Variants in APH1B observed in about 807,000 individuals in gnomAD.
The protein encoded by APH1B is aph-1B gamma-secretase subunit.
Under a neutral mutation model 28.2 loss-of-function variants are expected in APH1B, and 27 were observed. The observed-to-expected ratio is 0.96, with a 90% CI of 0.70 to 1.32. The LOEUF (loss-of-function observed/expected upper bound fraction) is 1.32. APH1B is among the 40% of genes most tolerant of loss of function. The pLI is 0.00. For missense variants in APH1B, 305 were observed against 313.6 expected (o/e 0.97, Z 0.21); for synonymous variants, 141 against 124.6 (o/e 1.13, Z -0.88).
intron 4 of APH1B, 47 bp downstream of exon 4, chr15:63,287,593 T>G (rs762744987): frequency 1.9e-6 from 3 of 1,600,290 alleles, no homozygotes; most frequent in Non-Finnish European, 2.6e-6. Context: ...GTCTAAATGA[T>G]CATTCTTATT....
At chr15:63,301,674 C>T (rs1015548163) in intron 4 of APH1B, among the ~76,000 whole-genome samples, 17 of 151,922 alleles carry the variant, frequency 1.1e-4, no homozygotes, top group African/African-American at 4.1e-4. Context: ...TTCCGCCTCC[C>T]GGGTTCAAGT....
At chr15:63,295,280 G>A (rs1054372855) in intron 4 of APH1B, among the ~76,000 whole-genome samples, 1 of 152,184 alleles carries the variant, frequency 6.6e-6, no homozygotes, top group Admixed American at 6.5e-5. Context: ...ATAGAATCCC[G>A]AGAACCTGTA....
intron 4 of APH1B, chr15:63,291,809 A>G (rs2038509270): frequency 6.6e-6 from 1 of 152,224 alleles, no homozygotes; most frequent in Non-Finnish European, 1.5e-5. Context: ...AAGTATTTGC[A>G]TGATTGGACC....
chr15:63,302,561 C>T, intron 5 of APH1B, 89 bp downstream of exon 5: 1 of 1,457,856 alleles, frequency 6.9e-7, no homozygotes, highest in Middle Eastern at 2.5e-4. Flanking sequence ...GAAATACACG[C>T]TCATGAGAAC....
chr15:63,295,195 G>A (rs1441554209), intron 4 of APH1B, among the ~76,000 whole-genome samples: 1 of 152,218 alleles, frequency 6.6e-6, no homozygotes, highest in Non-Finnish European at 1.5e-5. Context: ...TGATTTTGCT[G>A]AAACTATTCT....
At position 63,302,400 on chromosome 15, in the gene APH1B, T is replaced by C; in HGVS notation, c.534T>C (p.Phe178=). 1.9e-6 allele frequency: 3 copies of C among 1,614,196 alleles called. No individual in the cohort carries two copies. Among genetic ancestry groups the C allele is most frequent in the Non-Finnish European group, 2.5e-6 (3 of 1,180,042 alleles). Residue 178 remains phenylalanine (F), a synonymous_variant, in exon 5 of 6, where the codon TTT becomes TTC. Transcript: ENST00000261879. The stretch of plus-strand genomic sequence containing the variant: ...ATGTATTCTGGGGCATTGTATTTTT[T>C]GATGGCTGTGAGAAGAAAAAGTGGG... The part of the protein sequence containing the change: ...LLHVFWGIVF[F]DGCEKKKWGI...
chr15:63,282,842 G>T (rs770512143), intron 2 of APH1B, among the ~76,000 whole-genome samples: 1 of 152,094 alleles, frequency 6.6e-6, no homozygotes, highest in Non-Finnish European at 1.5e-5. Flanking sequence ...TGAAAATGGC[G>T]TATTTAACTT....
intron 2 of APH1B, among the ~76,000 whole-genome samples, chr15:63,285,086 A>G (rs999326167): frequency 4.6e-5 from 7 of 152,224 alleles, no homozygotes; most frequent in South Asian, 2.1e-4. Context: ...TTTCTGGCTC[A>G]TGTCCTCACT....
intron 1 of APH1B, among the ~76,000 whole-genome samples, 198 bp from the exon 2 acceptor site, chr15:63,278,963 G>A (rs1186365606): frequency 6.6e-6 from 1 of 152,166 alleles, no homozygotes; most frequent in Non-Finnish European, 1.5e-5. Context: ...CTTCCTCTTG[G>A]ACACGTTTGT....
intron 4 of APH1B, among the ~76,000 whole-genome samples, chr15:63,294,177 C>T (rs2038538968): frequency 6.6e-6 from 1 of 152,010 alleles, no homozygotes; most frequent in African/African-American, 2.4e-5. Flanking sequence ...GATATGATTG[C>T]ATGAGACAAA....
At chr15:63,295,677 C>A (rs2038558492) in intron 4 of APH1B, among the ~76,000 whole-genome samples, 2 of 152,098 alleles carry the variant, frequency 1.3e-5, no homozygotes, top group South Asian at 2.1e-4. Flanking sequence ...CCAGAAGCAC[C>A]CCTGTCCCCC....
At chr15:63,297,072 G>T (rs2038575989) in intron 4 of APH1B, among the ~76,000 whole-genome samples, 1 of 152,236 alleles carries the variant, frequency 6.6e-6, no homozygotes, top group African/African-American at 2.4e-5. Flanking sequence ...GACAGTTACA[G>T]TCGTCACAAA....
chr15:63,281,961 C>T (rs1290099750), intron 2 of APH1B, among the ~76,000 whole-genome samples: 2 of 152,010 alleles, frequency 1.3e-5, no homozygotes, highest in Admixed American at 1.3e-4. Flanking sequence ...TCTGAAAGGA[C>T]CTTTGGAAAT....
Position 63,305,765 on chromosome 15 carries a change from A to T in APH1B, c.758A>T (p.Asn253Ile), listed in dbSNP as rs372033157. 3.1e-6 allele frequency: 5 copies of T among 1,613,924 alleles called. No individual in the cohort carries two copies. In the African/African-American group the frequency reaches 6.7e-5, roughly 22 times the overall value. ...LCQDKNFLLY[N>I]QRSR is the part of the protein sequence containing the mutation. ...CAAGACAAGAACTTTCTTCTTTACA[A>T]CCAGCGCTCCAGATAACCTCAGGGA... The change falls in exon 6 of 6, where the codon AAC (asparagine) becomes ATC (isoleucine). Residue 253 changes from asparagine (N) to isoleucine (I), a missense_variant. Asn to Ile is a moderately radical substitution (Grantham distance 149, BLOSUM62 -3). Coordinates refer to ENST00000261879, the MANE Select transcript of APH1B (RefSeq NM_031301.4).
At chr15:63,286,195 A>G (rs535661059) in intron 2 of APH1B, among the ~76,000 whole-genome samples, 1 of 152,316 alleles carries the variant, frequency 6.6e-6, no homozygotes, top group African/African-American at 2.4e-5. Context: ...TGGGAAGGGG[A>G]AAAAAATCAG....
intron 4 of APH1B, among the ~76,000 whole-genome samples, chr15:63,297,956 T>C (rs2038585337): frequency 6.6e-6 from 1 of 152,166 alleles, no homozygotes; most frequent in African/African-American, 2.4e-5. Context: ...TTAATACATG[T>C]CCAAGGGATC....
chr15:63,295,855 G>T (rs907155843), intron 4 of APH1B, among the ~76,000 whole-genome samples: 1 of 152,188 alleles, frequency 6.6e-6, no homozygotes, highest in Admixed American at 6.5e-5. Context: ...AAGTATTTTG[G>T]ACCATGTGGG....
rs202134615 is a variant in APH1B at position 63,305,714 on chromosome 15, G to T, written c.707G>T (p.Arg236Leu). The change falls in exon 6 of 6, where the codon CGA (arginine) becomes CTA (leucine). Residue 236 changes from arginine (R) to leucine (L), a missense_variant. Arg to Leu is a moderately radical substitution (Grantham distance 102, BLOSUM62 -2). Transcript: ENST00000261879. ...TTCTTAGCTGCGGGAGGCAGCTGCC[G>T]AAGCCTGAAACTCTGCCTGCTCTGC... ...WAFLAAGGSC[R>L]SLKLCLLCQD... The T allele has an allele frequency of 8.6e-5, 139 of 1,614,022 alleles. 1 individual carries two copies. The highest frequency in any genetic ancestry group is 1.2e-4 in the Non-Finnish European group (138 of 1,180,026).
rs2038462390 is a variant in APH1B, at chr15:63,287,639, A to G, written c.478+93A>G. 4 of 1,471,752 alleles carry G rather than the reference A, an allele frequency of 2.7e-6. No individual in the cohort carries two copies. The African/African-American group carries it at 5.6e-5, about 21-fold the overall frequency. 91.2% of individuals were successfully genotyped at this position (1,471,752 alleles called of 1,614,324 possible). ...GGCTTAGGAATTTCAGTGGATTGGAATTTATGTTATGTCTTTTAAAGGCGA... is the reference window on the plus strand; with the variant it reads ...GGCTTAGGAATTTCAGTGGATTGGAGTTTATGTTATGTCTTTTAAAGGCGA... On this transcript the variant is annotated intron_variant, in intron 4 of 5. Coordinates refer to ENST00000261879, the MANE Select transcript of APH1B (RefSeq NM_031301.4).
Sources: allele counts gnomAD v4.1 joint callset (sites outside exome capture counted in the v4.1 genomes callset), GRCh38; gene constraint gnomAD v4.1.1; transcripts MANE v1.5; gene names NCBI Gene and HGNC (gene_info 2026-07-23, HGNC 2026-07-21).